Variants in CSMD1 observed in about 807,000 individuals in gnomAD.
The protein encoded by CSMD1 is CUB and Sushi multiple domains 1.
In CSMD1, 213 loss-of-function variants were observed where a neutral mutation model predicts 417.5. The observed-to-expected ratio is 0.51, with a 90% CI of 0.46 to 0.57. The LOEUF is 0.57. CSMD1 is among the 20% of genes least tolerant of loss of function. The pLI, the probability that CSMD1 is intolerant of heterozygous loss-of-function variation, is 0.00. For synonymous variants in CSMD1, 2,862 were observed against 1,736.8 expected (o/e 1.65, Z -16.11); for missense variants, 6,923 against 4,529.7 (o/e 1.53, Z -15.17).
intron 42 of CSMD1, among the ~76,000 whole-genome samples, chr8:3,112,385 C>T (rs1224119378): frequency 6.6e-6 from 1 of 152,132 alleles, no homozygotes; most frequent in Non-Finnish European, 1.5e-5. Context: ...TATATAGTAG[C>T]ACCCTTCCTG....
chr8:4,558,333 G>C (rs1798183417), intron 2 of CSMD1, among the ~76,000 whole-genome samples: 1 of 152,054 alleles, frequency 6.6e-6, no homozygotes, highest in Non-Finnish European at 1.5e-5. Flanking sequence ...ACTTTTTTAT[G>C]ATTTAAAACT....
intron 3 of CSMD1, among the ~76,000 whole-genome samples, chr8:4,105,901 C>A (rs1007897586): frequency 1.3e-5 from 2 of 152,182 alleles, no homozygotes; most frequent in Non-Finnish European, 2.9e-5. Flanking sequence ...CTGTGCTGGC[C>A]CCTGCAGGCT....
intron 55 of CSMD1, among the ~76,000 whole-genome samples, chr8:2,977,943 G>T (rs1394771459): frequency 6.6e-6 from 1 of 152,226 alleles, no homozygotes; most frequent in Non-Finnish European, 1.5e-5. Context: ...TGGCGAGGCT[G>T]TGGAGAAATA....
At chr8:4,657,057 T>C (rs1804275858) in intron 1 of CSMD1, among the ~76,000 whole-genome samples, 1 of 151,844 alleles carries the variant, frequency 6.6e-6, no homozygotes, top group Non-Finnish European at 1.5e-5. Flanking sequence ...TGGAGGCAAA[T>C]AACACAGTGC....
At chr8:4,785,237 A>G (rs946929924) in intron 1 of CSMD1, among the ~76,000 whole-genome samples, 1 of 152,176 alleles carries the variant, frequency 6.6e-6, no homozygotes, top group African/African-American at 2.4e-5. Flanking sequence ...CTGTTAGTCT[A>G]GAGCAGTCAT....
intron 3 of CSMD1, among the ~76,000 whole-genome samples, chr8:4,267,842 C>A (rs1331279500): frequency 6.6e-6 from 1 of 151,992 alleles, no homozygotes; most frequent in Non-Finnish European, 1.5e-5. Flanking sequence ...TATAATTTAG[C>A]TTGAATTATT....
intron 5 of CSMD1, among the ~76,000 whole-genome samples, chr8:3,941,127 G>C (rs1160483859): frequency 1.3e-5 from 2 of 151,900 alleles, no homozygotes; most frequent in Admixed American, 6.6e-5. Context: ...TAACTCATAT[G>C]TATACAGTTA....
At chr8:4,154,608 G>C (rs1796735233) in intron 3 of CSMD1, among the ~76,000 whole-genome samples, 1 of 152,298 alleles carries the variant, frequency 6.6e-6, no homozygotes, top group Middle Eastern at 3.4e-3. Flanking sequence ...GAATGCATGA[G>C]CCTACAAAAG....
At chr8:3,182,617 TGTG>T (rs1821420124) in intron 36 of CSMD1, among the ~76,000 whole-genome samples, 4 of 61,536 alleles carry the variant, frequency 6.5e-5, no homozygotes, top group Non-Finnish European at 1.6e-4. Flanking sequence ...TGTGTGTGTG[TGTG>T]TGTGTGTGTG....
chr8:4,410,063 C>T (rs142356977), intron 3 of CSMD1, among the ~76,000 whole-genome samples: 1,852 of 152,252 alleles, frequency 0.012, 13 homozygotes, highest in South Asian at 0.047. Flanking sequence ...CCACACCTGC[C>T]GTGGCCTCCC....
intron 2 of CSMD1, among the ~76,000 whole-genome samples, chr8:4,468,835 CAATTG>C (rs1430725366): frequency 9.9e-5 from 15 of 152,184 alleles, no homozygotes; most frequent in South Asian, 2.1e-4. Flanking sequence ...GCCCAAACAG[CAATTG>C]AATTATCAAT....
chr8:3,407,701 C>G (rs889519050), intron 14 of CSMD1, among the ~76,000 whole-genome samples, 198 bp downstream of exon 14: 3 of 152,114 alleles, frequency 2.0e-5, no homozygotes, highest in Non-Finnish European at 4.4e-5. Context: ...AGTGATGAAG[C>G]CACCTATCTA....
At chr8:4,857,590 C>G (rs914543530) in intron 1 of CSMD1, among the ~76,000 whole-genome samples, 2 of 151,994 alleles carry the variant, frequency 1.3e-5, no homozygotes, top group Non-Finnish European at 2.9e-5. Context: ...ATATCACCAC[C>G]GATCCCACAG....
intron 5 of CSMD1, among the ~76,000 whole-genome samples, chr8:3,836,560 G>A (rs1802719684): frequency 6.6e-6 from 1 of 152,042 alleles, no homozygotes; most frequent in Non-Finnish European, 1.5e-5. Context: ...TCAGAAAAGT[G>A]GTGATATTGA....
chr8:3,536,637 G>C (rs531481552), intron 10 of CSMD1, among the ~76,000 whole-genome samples: 22 of 152,294 alleles, frequency 1.4e-4, no homozygotes, highest in African/African-American at 5.1e-4. Flanking sequence ...AGTGTGAGCT[G>C]TCACTACCAT....
At chr8:3,827,003 A>T (rs1433609044) in intron 5 of CSMD1, among the ~76,000 whole-genome samples, 1 of 152,112 alleles carries the variant, frequency 6.6e-6, no homozygotes, top group African/African-American at 2.4e-5. Context: ...GCTGGTCTTG[A>T]ACTCCTGATA....
At chr8:4,670,751 T>C (rs1056654979) in intron 1 of CSMD1, among the ~76,000 whole-genome samples, 1 of 152,148 alleles carries the variant, frequency 6.6e-6, no homozygotes, top group African/African-American at 2.4e-5. Context: ...GGTTGAGAAA[T>C]ACAAGTACAC....
At chr8:2,973,893 G>GGTGGT in intron 56 of CSMD1, among the ~76,000 whole-genome samples, 2 of 149,526 alleles carry the variant, frequency 1.3e-5, no homozygotes, top group African/African-American at 5.1e-5. Context: ...GGTAGAGGAT[G>GGTGGT]ATGGTAGAGG....
At chr8:3,753,080 C>T (rs985121008) in intron 6 of CSMD1, among the ~76,000 whole-genome samples, 1 of 152,176 alleles carries the variant, frequency 6.6e-6, no homozygotes, top group Non-Finnish European at 1.5e-5. Context: ...GCTGTAATTT[C>T]TCTGGCACTG....
Sources: allele counts gnomAD v4.1 joint callset (sites outside exome capture counted in the v4.1 genomes callset), GRCh38; gene constraint gnomAD v4.1.1; transcripts MANE v1.5; gene names NCBI Gene and HGNC (gene_info 2026-07-23, HGNC 2026-07-21).